WWTR1: variants seen among roughly 807,000 people sequenced by gnomAD.
WWTR1 encodes WW domain containing transcription regulator 1, also known as WW domain-containing transcription regulator protein 1.
In WWTR1, 13 loss-of-function variants were observed where a neutral mutation model predicts 40.1. The ratio of observed to expected loss-of-function variants is 0.32; its 90% CI spans 0.21 to 0.52. WWTR1 has a LOEUF of 0.52. WWTR1 is among the 20% of genes least tolerant of loss of function. The pLI is 0.97. For missense variants in WWTR1, 436 were observed against 523.1 expected, an observed-to-expected ratio of 0.83 and a Z score of 1.63; for synonymous variants, 230 against 210.1, an observed-to-expected ratio of 1.09 and a Z score of -0.82.
At chr3:149,563,838 A>C (rs1737191553) in intron 3 of WWTR1, among the ~76,000 whole-genome samples, 1 of 152,036 alleles carries the variant, frequency 6.6e-6, no homozygotes, top group South Asian at 2.1e-4. Context: ...TGCAACCTCC[A>C]CCTCCTGGGT....
At chr3:149,560,802 A>G (rs1385938073) in intron 3 of WWTR1, among the ~76,000 whole-genome samples, 1 of 152,216 alleles carries the variant, frequency 6.6e-6, no homozygotes. Flanking sequence ...ATGTACTGGG[A>G]AGCAAAATAA....
intron 4 of WWTR1, among the ~76,000 whole-genome samples, chr3:149,538,246 A>T (rs1735922845): frequency 6.6e-6 from 1 of 152,228 alleles, no homozygotes; most frequent in South Asian, 2.1e-4. Context: ...TTCTACTTAA[A>T]AAAACTCAAC....
At chr3:149,607,472 G>A (rs915097947) in intron 2 of WWTR1, among the ~76,000 whole-genome samples, 12 of 152,146 alleles carry the variant, frequency 7.9e-5, no homozygotes, top group African/African-American at 2.6e-4. Context: ...ACGCCGCAAT[G>A]CCCGGGTAAA....
intron 4 of WWTR1, chr3:149,717,593 G>C (rs2108235632): frequency 6.6e-6 from 1 of 152,344 alleles, no homozygotes; most frequent in East Asian, 1.9e-4. Context: ...AAGGATTTGT[G>C]TCTCTGAGAA....
chr3:149,544,625 C>G (rs1736285302), intron 3 of WWTR1, among the ~76,000 whole-genome samples: 1 of 152,128 alleles, frequency 6.6e-6, no homozygotes, highest in Non-Finnish European at 1.5e-5. Context: ...TGGTTAGTGG[C>G]AAGTAGAGCC....
At chr3:149,608,028 G>A (rs1739564554) in intron 2 of WWTR1, among the ~76,000 whole-genome samples, 1 of 152,120 alleles carries the variant, frequency 6.6e-6, no homozygotes, top group Admixed American at 6.5e-5. Flanking sequence ...GAAGTACATG[G>A]TAGGTACTCA....
chr3:149,623,026 A>G (rs1344815), intron 2 of WWTR1, among the ~76,000 whole-genome samples: 84,527 of 151,986 alleles, frequency 0.56, 24,678 homozygotes, highest in Middle Eastern at 0.72. Context: ...TGCTAAGAAC[A>G]AATTCTAATG....
chr3:149,713,792 G>A (rs964541732), intron 5 of WWTR1, among the ~76,000 whole-genome samples: 1 of 152,228 alleles, frequency 6.6e-6, no homozygotes, highest in Admixed American at 6.5e-5. Context: ...GCGGCTGTGG[G>A]AGTGACAGTG....
chr3:149,599,446 A>G (rs1739146417), intron 2 of WWTR1, among the ~76,000 whole-genome samples: 1 of 152,272 alleles, frequency 6.6e-6, no homozygotes, highest in Admixed American at 6.5e-5. Context: ...GTTGCCATCA[A>G]AAACAGATGA....
chr3:149,703,548 A>G (rs973046555), upstream of WWTR1, among the ~76,000 whole-genome samples: 7 of 152,160 alleles, frequency 4.6e-5, no homozygotes, highest in Non-Finnish European at 1.0e-4. Context: ...AAAGTATTAC[A>G]TTAAGAATAT....
chr3:149,657,395 G>T, intron 1 of WWTR1, 86 bp from the exon 2 acceptor site: 2 of 1,412,966 alleles, frequency 1.4e-6, no homozygotes, highest in African/African-American at 1.4e-5. Flanking sequence ...CGAGATGGTG[G>T]GAGAAAGAAT....
intron 1 of WWTR1, among the ~76,000 whole-genome samples, chr3:149,675,878 C>T (rs2108197465): frequency 6.6e-6 from 1 of 152,200 alleles, no homozygotes; most frequent in East Asian, 1.9e-4. Context: ...CCACCATGCC[C>T]AGCTAATTTT....
chr3:149,684,286 G>C (rs571658442), intron 1 of WWTR1, among the ~76,000 whole-genome samples: 37 of 152,166 alleles, frequency 2.4e-4, no homozygotes, highest in African/African-American at 8.7e-4. Flanking sequence ...CTCCCAAAGT[G>C]TTAGGATTAC....
intron 2 of WWTR1, among the ~76,000 whole-genome samples, chr3:149,585,947 T>G (rs1006358822): frequency 5.3e-5 from 8 of 152,198 alleles, no homozygotes; most frequent in Admixed American, 5.2e-4. Flanking sequence ...AAAAACAGAT[T>G]TAGCCTAAAA....
In WWTR1 at chr3:149,568,440, T is replaced by C. The variant is rs1000334938; in HGVS notation, c.568+4424A>G. ...TCTGCTCAGACAGAATCCAAATTGG[T>C]AAAGCCTGATTTGGCAAATACAAAA... is the stretch of plus-strand genomic sequence containing the variant. On this transcript the variant is annotated intron_variant, in intron 3 of 6. Coordinates refer to ENST00000360632, the MANE Select transcript of WWTR1 (RefSeq NM_015472.6). Among the ~76,000 whole-genome samples the C allele has an allele frequency of 2.1e-5, 3 of 141,594 alleles. No individual in the cohort carries two copies. In the East Asian group the frequency reaches 6.6e-4, roughly 31 times the overall value. The allele number at this position is 141,594 out of a possible 152,430, so 92.9% of individuals were successfully genotyped here.
intron 1 of WWTR1, among the ~76,000 whole-genome samples, chr3:149,695,794 A>AAAATATAT (rs1553735126): frequency 1.4e-5 from 2 of 140,756 alleles, no homozygotes; most frequent in Admixed American, 1.5e-4. Context: ...AAAAGAAAAA[A>AAAATATAT]ATATATATAT....
At chr3:149,588,882 G>T (rs965999929) in intron 2 of WWTR1, among the ~76,000 whole-genome samples, 4 of 152,128 alleles carry the variant, frequency 2.6e-5, no homozygotes, top group East Asian at 3.9e-4. Context: ...AGTTGGAAAA[G>T]GCGCCACCAT....
At position 149,600,030 on chromosome 3, in the gene WWTR1, C is replaced by T. The variant is rs115071703; in HGVS notation, c.432-27030G>A. Among the ~76,000 whole-genome samples the T allele has an allele frequency of 5.2e-3, 790 of 152,252 alleles. 4 individuals are homozygous for T. Among genetic ancestry groups the T allele is most frequent in the South Asian group, 0.02 (95 of 4,828 alleles). On this transcript the variant is annotated intron_variant, in intron 2 of 6. Coordinates refer to ENST00000360632, the MANE Select transcript of WWTR1 (RefSeq NM_015472.6). ...ATAACAACTATTTACATTGCATTTA[C>T]ATTTTATCAGGTATTATAAGTAAAT... is the stretch of plus-strand genomic sequence containing the variant.
At chr3:149,707,012 ATG>A (rs1361432346), upstream of WWTR1, among the ~76,000 whole-genome samples, 1 of 152,158 alleles carries the variant, frequency 6.6e-6, no homozygotes, top group East Asian at 1.9e-4. Flanking sequence ...TTCCATATTA[ATG>A]TGTTTCCATT....
Sources: allele counts gnomAD v4.1 joint callset (sites outside exome capture counted in the v4.1 genomes callset), GRCh38; gene constraint gnomAD v4.1.1; transcripts MANE v1.5; gene names NCBI Gene and HGNC (gene_info 2026-07-23, HGNC 2026-07-21).